The following ZNF438 variants were observed in gnomAD, a reference collection of about 807,000 sequenced individuals.
ZNF438 encodes zinc finger protein 438.
A neutral mutation model predicts 38.0 loss-of-function variants in ZNF438; 25 were observed. The ratio of observed to expected loss-of-function variants is 0.66; its 90% CI spans 0.48 to 0.92. The LOEUF is 0.92. ZNF438 is among the 40% of genes least tolerant of loss of function. ZNF438 has a pLI of 0.00. For missense variants in ZNF438, 1,007 were observed against 999.6 expected, an observed-to-expected ratio of 1.01 and a Z score of -0.10; for synonymous variants, 372 against 364.1, an observed-to-expected ratio of 1.02 and a Z score of -0.25.
chr10:30,913,186 A>G (rs1222669269), intron 2 of ZNF438, among the ~76,000 whole-genome samples: 1 of 152,046 alleles, frequency 6.6e-6, no homozygotes, highest in African/African-American at 2.4e-5. Flanking sequence ...CTTCATGCTT[A>G]AAACCCTTTA....
At chr10:31,024,240 A>G (rs2056793459) in intron 1 of ZNF438, among the ~76,000 whole-genome samples, 1 of 152,240 alleles carries the variant, frequency 6.6e-6, no homozygotes, top group South Asian at 2.1e-4. Context: ...TCTCTAAACC[A>G]ACTTCTTTTT....
intron 1 of ZNF438, among the ~76,000 whole-genome samples, chr10:30,949,163 G>A (rs190304766): frequency 0.012 from 1,770 of 151,896 alleles, 32 homozygotes; most frequent in African/African-American, 0.039. Flanking sequence ...CTTCATAAGC[G>A]AAGGAGAAAT....
At chr10:30,921,660 T>A (rs1333953997) in intron 2 of ZNF438, among the ~76,000 whole-genome samples, 1 of 152,238 alleles carries the variant, frequency 6.6e-6, no homozygotes, top group African/African-American at 2.4e-5. Flanking sequence ...TCATTAAGTT[T>A]GGACTTTTTG....
chr10:31,006,559 G>A (rs769296369), intron 1 of ZNF438, among the ~76,000 whole-genome samples: 1 of 152,038 alleles, frequency 6.6e-6, no homozygotes, highest in Non-Finnish European at 1.5e-5. Context: ...TAAGTTCTGT[G>A]AGCCCTCTAG....
rs1419508789 is a variant in ZNF438, at chr10:30,888,456, T to A, written c.-31-11391A>T. ...TGTCATGGGAGTCTGCTGTACAGAT[T>A]ATTTTGTTACCCAGGTACTAAACCT... On this transcript the variant is annotated intron_variant, in intron 3 of 5. Coordinates refer to ENST00000413025, the Ensembl canonical transcript of ZNF438. 2.6e-5 allele frequency among the ~76,000 whole-genome samples: 4 copies of A among 152,266 alleles called. 1 individual carries two copies. The highest frequency in any genetic ancestry group is 5.9e-5 in the Non-Finnish European group (4 of 68,030).
At chr10:30,903,865 T>G (rs1007959870) in intron 3 of ZNF438, among the ~76,000 whole-genome samples, 12 of 152,196 alleles carry the variant, frequency 7.9e-5, no homozygotes, top group African/African-American at 1.2e-4. Context: ...AACAGTGTGA[T>G]GCAATTACTG....
intron 3 of ZNF438, among the ~76,000 whole-genome samples, chr10:30,887,570 A>G (rs976553573): frequency 6.6e-6 from 1 of 152,022 alleles, no homozygotes; most frequent in Non-Finnish European, 1.5e-5. Flanking sequence ...TTGTATTTTT[A>G]GTAGAGACGG....
At chr10:30,900,184 A>T (rs1355623198) in intron 3 of ZNF438, among the ~76,000 whole-genome samples, 2 of 152,208 alleles carry the variant, frequency 1.3e-5, no homozygotes, top group African/African-American at 4.8e-5. Flanking sequence ...ACTGAAACTA[A>T]ATTTTATATC....
chr10:30,860,315 A>G (rs957149790), intron 4 of ZNF438, among the ~76,000 whole-genome samples: 1 of 152,146 alleles, frequency 6.6e-6, no homozygotes, highest in Admixed American at 6.5e-5. Flanking sequence ...TTGTTCAATT[A>G]TATTTCTCCA....
intron 4 of ZNF438, among the ~76,000 whole-genome samples, chr10:30,876,671 A>G (rs1361293324): frequency 6.6e-6 from 1 of 152,176 alleles, no homozygotes; most frequent in African/African-American, 2.4e-5. Context: ...TTTTGCTTCA[A>G]TAAAGCCAAC....
intron 4 of ZNF438, among the ~76,000 whole-genome samples, chr10:30,863,744 G>A (rs888272942): frequency 6.6e-6 from 1 of 152,162 alleles, no homozygotes; most frequent in South Asian, 2.1e-4. Flanking sequence ...TTCCAGAGCC[G>A]GCCTCCTGGC....
intron 1 of ZNF438, among the ~76,000 whole-genome samples, chr10:31,025,294 T>C (rs61845217): frequency 0.057 from 8,703 of 152,334 alleles, 286 homozygotes; most frequent in Non-Finnish European, 0.074. Flanking sequence ...AGAAGTTGTC[T>C]TGTACATTGT....
intron 2 of ZNF438, among the ~76,000 whole-genome samples, chr10:30,921,572 AC>A (rs2044301634): frequency 6.6e-6 from 1 of 152,188 alleles, no homozygotes; most frequent in African/African-American, 2.4e-5. Context: ...AGACCCAGGC[AC>A]ACAGTGTCCT....
chr10:31,015,073 G>A (rs1225323015), intron 1 of ZNF438, among the ~76,000 whole-genome samples: 3 of 152,114 alleles, frequency 2.0e-5, no homozygotes, highest in Non-Finnish European at 2.9e-5. Flanking sequence ...ATGTTACCCA[G>A]ATTAGTCTTG....
chr10:30,976,667 T>C (rs1026909959), intron 1 of ZNF438, among the ~76,000 whole-genome samples: 3 of 151,842 alleles, frequency 2.0e-5, no homozygotes, highest in Admixed American at 2.0e-4. Flanking sequence ...GCCCTAGAGA[T>C]TGGAAGGTGC....
At chr10:31,008,815 TAGGGTAAC>T (rs2055389634) in intron 1 of ZNF438, among the ~76,000 whole-genome samples, 1 of 152,244 alleles carries the variant, frequency 6.6e-6, no homozygotes, top group Non-Finnish European at 1.5e-5. Context: ...CTAGGTAACA[TAGGGTAAC>T]ACCTTTTGAA....
intron 4 of ZNF438, among the ~76,000 whole-genome samples, chr10:30,858,476 C>T (rs2133071621): frequency 6.6e-6 from 1 of 152,282 alleles, no homozygotes; most frequent in African/African-American, 2.4e-5. Context: ...ACCCTCTCCC[C>T]AAGCTACTGT....
intron 1 of ZNF438, among the ~76,000 whole-genome samples, chr10:30,963,392 CAAAAAAA>C (rs753557823): frequency 9.3e-5 from 8 of 86,052 alleles, no homozygotes; most frequent in Non-Finnish European, 1.3e-4. Flanking sequence ...AACTCCATCT[CAAAAAAA>C]AAAAAAAAAA....
Position 30,863,468 on chromosome 10 carries a change from C to T in ZNF438, c.38-13101G>A, listed in dbSNP as rs78031827. Among the ~76,000 whole-genome samples the T allele has an allele frequency of 3.4e-3, 515 of 152,264 alleles. 4 individuals are homozygous for T. Among genetic ancestry groups the T allele is most frequent in the African/African-American group, 0.011 (473 of 41,558 alleles). On this transcript the variant is annotated intron_variant, in intron 4 of 5. Transcript: ENST00000413025. ...GAGCCAGTACCAAGAGTGAAGGCGGCAGAGTTTGAAAGCTGTGGTGACTAC... is the reference window on the plus strand; with the variant it reads ...GAGCCAGTACCAAGAGTGAAGGCGGTAGAGTTTGAAAGCTGTGGTGACTAC...
Sources: allele counts gnomAD v4.1 joint callset (sites outside exome capture counted in the v4.1 genomes callset), GRCh38; gene constraint gnomAD v4.1.1; transcripts MANE v1.5; gene names NCBI Gene and HGNC (gene_info 2026-07-23, HGNC 2026-07-21).